PLCL1: variants seen among roughly 807,000 people sequenced by gnomAD.
The protein encoded by PLCL1 is inactive phospholipase C-like protein 1.
PLCL1 carries 41 observed loss-of-function variants against 84.4 expected under a neutral mutation model. The ratio of observed to expected loss-of-function variants is 0.49; its 90% CI spans 0.38 to 0.63. The LOEUF (loss-of-function observed/expected upper bound fraction) is 0.63, where lower values mean the gene tolerates loss of function less well. Ranked by LOEUF, PLCL1 falls within the 30% of genes least tolerant of loss-of-function variation. The probability of loss-of-function intolerance (pLI) is 0.00; values close to 1 mark genes in which losing one functional copy is unlikely to be tolerated. For missense variants in PLCL1, 1,206 were observed against 1,367.8 expected, an observed-to-expected ratio of 0.88 and a Z score of 1.87; for synonymous variants, 490 against 488.3, an observed-to-expected ratio of 1.00 and a Z score of -0.05.
intron 3 of PLCL1, among the ~76,000 whole-genome samples, chr2:198,089,659 T>A (rs1053988343): frequency 6.6e-6 from 1 of 152,168 alleles, no homozygotes; most frequent in South Asian, 2.1e-4. Context: ...ATAGCCACAC[T>A]TAGTTGCAAA....
chr2:198,053,888 G>A (rs185614479), intron 1 of PLCL1, among the ~76,000 whole-genome samples: 1 of 152,196 alleles, frequency 6.6e-6, no homozygotes, highest in East Asian at 1.9e-4. Context: ...TGTAGAGCAT[G>A]TCAAAGAAGA....
chr2:197,921,224 T>C (rs1377573848), intron 1 of PLCL1, among the ~76,000 whole-genome samples: 1 of 152,212 alleles, frequency 6.6e-6, no homozygotes, highest in Non-Finnish European at 1.5e-5. Context: ...ATGAGGTTGG[T>C]TGTTGAACAA....
Position 198,085,858 on chromosome 2 carries a change from AC to A in PLCL1, c.2342del (p.Thr781IlefsTer6). On this transcript the variant is annotated frameshift_variant, in exon 2 of 6. Transcript: ENST00000428675. LOFTEE classifies it high-confidence loss of function. The surrounding 1 kb of genome is among the most constrained non-coding windows in gnomAD (Gnocchi z 5.3). Reference protein sequence around the residue: ...QNSDNPIFDETFEFQVNLPEL... With the variant: ...QNSDNPIFDEXFEFQVNLPEL... The stretch of plus-strand genomic sequence containing the variant: ...CAGTGATAATCCTATTTTTGATGAA[AC>A]TTTTGAGTTCCAAGTAAACCTACCT... The A allele has an allele frequency of 6.2e-7, 1 of 1,614,114 alleles. No individual in the cohort carries two copies. Among genetic ancestry groups the A allele is most frequent in the Non-Finnish European group, 8.5e-7 (1 of 1,179,986 alleles).
chr2:198,082,576 G>A (rs1692743361), intron 1 of PLCL1, among the ~76,000 whole-genome samples: 1 of 152,188 alleles, frequency 6.6e-6, no homozygotes, highest in South Asian at 2.1e-4. Flanking sequence ...TGTTCCTGGG[G>A]CAATCACGTG....
rs760577848 is a variant in PLCL1, at chr2:197,983,200, C to CTTTTTTTTTTTTTTTTTTTTTT, written c.241-100540_241-100519dup. On this transcript the variant is annotated intron_variant, in intron 1 of 5. Coordinates refer to ENST00000428675, the MANE Select transcript of PLCL1 (RefSeq NM_006226.4). ...TTTCTTTTTCTTTTTCTTTTCTTTT[C>CTTTTTTTTTTTTTTTTTTTTTT]TTTTTTTTTTTTTTTTTTTTTTTTT... Among the ~76,000 whole-genome samples, 32 of 60,254 alleles carry CTTTTTTTTTTTTTTTTTTTTTT rather than the reference C, an allele frequency of 5.3e-4. 3 individuals carry two copies. The highest frequency in any genetic ancestry group is 1.1e-3 in the East Asian group (2 of 1,894). 39.5% of individuals were successfully genotyped at this position (60,254 alleles called of 152,430 possible). A position where few individuals can be genotyped will look rare whatever the true frequency, so the allele number is the denominator to read the frequency against.
intron 5 of PLCL1, among the ~76,000 whole-genome samples, chr2:198,110,899 T>G (rs904293134): frequency 1.3e-5 from 2 of 151,782 alleles, no homozygotes; most frequent in African/African-American, 2.4e-5. Flanking sequence ...GGATTCCTTT[T>G]GAGTATTCAG....
At chr2:198,110,243 A>G (rs1423679770) in intron 5 of PLCL1, among the ~76,000 whole-genome samples, 10 of 151,896 alleles carry the variant, frequency 6.6e-5, no homozygotes, top group African/African-American at 2.4e-4. Context: ...TGTTTAGTAT[A>G]TGTGACTATT....
intron 5 of PLCL1, among the ~76,000 whole-genome samples, chr2:198,141,349 T>C: frequency 6.6e-6 from 1 of 152,168 alleles, no homozygotes; most frequent in East Asian, 1.9e-4. Flanking sequence ...GCCTTTTAAC[T>C]CTTGTTAACA....
chr2:197,997,569 G>T (rs1280566137), intron 1 of PLCL1, among the ~76,000 whole-genome samples: 1 of 152,170 alleles, frequency 6.6e-6, no homozygotes, highest in East Asian at 1.9e-4. Flanking sequence ...GGCCCTGCAC[G>T]CACTGATGGC....
chr2:197,998,452 G>A (rs777918603), intron 1 of PLCL1, among the ~76,000 whole-genome samples: 61 of 152,190 alleles, frequency 4.0e-4, no homozygotes, highest in South Asian at 1.0e-3. Context: ...TTTCATAGAT[G>A]TCCAAGTTGC....
chr2:197,952,315 AG>A (rs1689404049), intron 1 of PLCL1, among the ~76,000 whole-genome samples: 1 of 152,114 alleles, frequency 6.6e-6, no homozygotes, highest in Non-Finnish European at 1.5e-5. Context: ...GTACCCTGCT[AG>A]TGATTAGTTC....
At chr2:197,905,444 G>T (rs1408701257) in intron 1 of PLCL1, among the ~76,000 whole-genome samples, 1 of 152,162 alleles carries the variant, frequency 6.6e-6, no homozygotes, top group Non-Finnish European at 1.5e-5. Context: ...TTTTATGGCT[G>T]CATAGTATTC....
chr2:198,037,535 C>T (rs1691576024), intron 1 of PLCL1, among the ~76,000 whole-genome samples: 1 of 152,166 alleles, frequency 6.6e-6, no homozygotes, highest in African/African-American at 2.4e-5. Context: ...GAAAACATTG[C>T]TTTAGAGATT....
At chr2:198,121,228 T>A (rs1220317838) in intron 5 of PLCL1, among the ~76,000 whole-genome samples, 1 of 152,116 alleles carries the variant, frequency 6.6e-6, no homozygotes, top group African/African-American at 2.4e-5. Flanking sequence ...CCTTGTCAGA[T>A]AGGTAGTTTG....
At chr2:197,889,430 T>G (rs1687974902) in intron 1 of PLCL1, among the ~76,000 whole-genome samples, 1 of 152,044 alleles carries the variant, frequency 6.6e-6, no homozygotes, top group Non-Finnish European at 1.5e-5. Context: ...TTGAGCTGCT[T>G]TAACCAAAAA....
intron 1 of PLCL1, among the ~76,000 whole-genome samples, chr2:197,916,808 G>A (rs561497037): frequency 2.0e-4 from 30 of 152,232 alleles, no homozygotes; most frequent in African/African-American, 7.2e-4. Flanking sequence ...CAAAAGAACT[G>A]AACAGATACC....
intron 1 of PLCL1, among the ~76,000 whole-genome samples, chr2:198,059,656 C>A (rs183538244): frequency 6.6e-6 from 1 of 152,148 alleles, no homozygotes; most frequent in African/African-American, 2.4e-5. Context: ...GCCAAGCTAG[C>A]CCCCTGCCTC....
chr2:198,080,116 G>A (rs1035132632), intron 1 of PLCL1, among the ~76,000 whole-genome samples: 15 of 152,190 alleles, frequency 9.9e-5, no homozygotes, highest in African/African-American at 3.4e-4. Flanking sequence ...ATTGGAATCA[G>A]TTCAGTCATC....
chr2:197,814,159 C>T (rs2106415653), intron 1 of PLCL1, among the ~76,000 whole-genome samples: 1 of 152,204 alleles, frequency 6.6e-6, no homozygotes, highest in East Asian at 1.9e-4. Flanking sequence ...TTGTACTTTG[C>T]AGATATTGCA....
Sources: allele counts gnomAD v4.1 joint callset (sites outside exome capture counted in the v4.1 genomes callset), GRCh38; gene constraint gnomAD v4.1.1; non-coding constraint Gnocchi (gnomAD v3.1); transcripts MANE v1.5; gene names NCBI Gene and HGNC (gene_info 2026-07-23, HGNC 2026-07-21).